BBS9: variants seen among roughly 807,000 people sequenced by gnomAD.
BBS9 encodes the protein Bardet-Biedl syndrome 9.
Under a neutral mutation model 117.7 loss-of-function variants are expected in BBS9, and 89 were observed. That is an observed-to-expected ratio of 0.76 (90% CI 0.64 to 0.90). The LOEUF (loss-of-function observed/expected upper bound fraction) is 0.90. BBS9 is among the 40% of genes least tolerant of loss of function. The pLI is 0.00. For synonymous variants in BBS9, 379 were observed against 370.9 expected (o/e 1.02, Z -0.25); for missense variants, 982 against 1,042.2 (o/e 0.94, Z 0.80).
intron 5 of BBS9, among the ~76,000 whole-genome samples, chr7:33,182,358 G>A (rs1165389785): frequency 6.6e-6 from 1 of 152,148 alleles, no homozygotes; most frequent in Non-Finnish European, 1.5e-5. Context: ...GCACCAGACA[G>A]AAGTGCAGAT....
chr7:33,583,388 C>T (rs539478067), intron 21 of BBS9, among the ~76,000 whole-genome samples: 80 of 152,184 alleles, frequency 5.3e-4, no homozygotes, highest in African/African-American at 1.8e-3. Flanking sequence ...CCTTTCCTGT[C>T]CTGTCCTGTC....
chr7:33,327,204 G>A (rs566778686), intron 9 of BBS9, among the ~76,000 whole-genome samples: 64 of 152,290 alleles, frequency 4.2e-4, no homozygotes, highest in Admixed American at 2.4e-3. Flanking sequence ...AATAGAAAAT[G>A]AAAATGAGGT....
chr7:33,384,819 A>G (rs1222912173), intron 18 of BBS9, among the ~76,000 whole-genome samples: 1 of 152,068 alleles, frequency 6.6e-6, no homozygotes, highest in African/African-American at 2.4e-5. Context: ...GACTTCTTTA[A>G]TGTAGTGTGA....
At chr7:33,266,062 A>G (rs150040411) in intron 7 of BBS9, among the ~76,000 whole-genome samples, 4 of 152,140 alleles carry the variant, frequency 2.6e-5, no homozygotes, top group East Asian at 1.9e-4. Context: ...CAAATATTCC[A>G]TGGCTCTTCT....
At chr7:33,160,766 G>A (rs1173977327) in intron 4 of BBS9, among the ~76,000 whole-genome samples, 4 of 152,222 alleles carry the variant, frequency 2.6e-5, no homozygotes, top group African/African-American at 7.2e-5. Context: ...GATGGCAAGG[G>A]CAGTCTTTCT....
chr7:33,176,051 G>C (rs1020217005), intron 4 of BBS9, among the ~76,000 whole-genome samples: 2 of 152,158 alleles, frequency 1.3e-5, no homozygotes, highest in Non-Finnish European at 1.5e-5. Flanking sequence ...CCATTGAAAA[G>C]AGCTAAGGGT....
At chr7:33,414,514 G>A (rs1831661828) in intron 19 of BBS9, among the ~76,000 whole-genome samples, 1 of 152,112 alleles carries the variant, frequency 6.6e-6, no homozygotes, top group South Asian at 2.1e-4. Flanking sequence ...GTCTCTTTGT[G>A]TGTATACATG....
intron 21 of BBS9, among the ~76,000 whole-genome samples, chr7:33,570,137 CCTT>C (rs1166921197): frequency 1.3e-5 from 2 of 152,080 alleles, no homozygotes; most frequent in Non-Finnish European, 2.9e-5. Context: ...AGTAATAGCA[CCTT>C]CTTCTACGTG....
chr7:33,223,591 C>G (rs1283618083), intron 5 of BBS9, among the ~76,000 whole-genome samples: 1 of 152,162 alleles, frequency 6.6e-6, no homozygotes, highest in Non-Finnish European at 1.5e-5. Context: ...CCTCTCACCC[C>G]CAAGACTTAG....
intron 9 of BBS9, among the ~76,000 whole-genome samples, chr7:33,291,258 T>C (rs1236636087): frequency 6.6e-6 from 1 of 152,156 alleles, no homozygotes; most frequent in African/African-American, 2.4e-5. Flanking sequence ...TCTTAACTCT[T>C]TTTTATTTCT....
chr7:33,344,326 C>T (rs1429387647), intron 11 of BBS9, among the ~76,000 whole-genome samples: 1 of 151,926 alleles, frequency 6.6e-6, no homozygotes, highest in East Asian at 1.9e-4. Flanking sequence ...ACCTCGGCCT[C>T]CCAAAGTGCT....
At chr7:33,315,885 T>C (rs1013722818) in intron 9 of BBS9, among the ~76,000 whole-genome samples, 9 of 152,352 alleles carry the variant, frequency 5.9e-5, no homozygotes, top group Admixed American at 2.0e-4. Flanking sequence ...CACACAGCAC[T>C]AAGCTTAAAC....
rs550932665 is a variant in BBS9 at position 33,582,374 on chromosome 7, G to A, written c.2522-22491G>A. On this transcript the variant is annotated intron_variant, in intron 21 of 22. Coordinates refer to ENST00000242067, the MANE Select transcript of BBS9 (RefSeq NM_198428.3). ...CTTGGAAGGGGTGGTGTCCATCAGA[G>A]GAGGCTGGGAAGGGGCTAAGTGAAG... Among the ~76,000 whole-genome samples the A allele has an allele frequency of 1.2e-4, 19 of 152,218 alleles. No homozygotes were observed. The South Asian group carries it at 3.7e-3, about 30-fold the overall frequency.
At chr7:33,401,004 A>G (rs554261159) in intron 19 of BBS9, among the ~76,000 whole-genome samples, 150 of 152,318 alleles carry the variant, frequency 9.8e-4, no homozygotes, top group Non-Finnish European at 1.9e-3. Flanking sequence ...CAACTTTACC[A>G]TGCTCCCAGA....
chr7:33,352,561 C>T (rs949761977), intron 14 of BBS9, among the ~76,000 whole-genome samples: 4 of 152,002 alleles, frequency 2.6e-5, no homozygotes, highest in Non-Finnish European at 5.9e-5. Flanking sequence ...TGCTGTTTGG[C>T]TAGATCATAT....
intron 5 of BBS9, among the ~76,000 whole-genome samples, chr7:33,248,902 A>G (rs955960801): frequency 6.6e-6 from 1 of 152,048 alleles, no homozygotes; most frequent in Non-Finnish European, 1.5e-5. Context: ...AAGACCAAAT[A>G]TTTTTGACAG....
intron 12 of BBS9, among the ~76,000 whole-genome samples, chr7:33,345,809 A>G (rs188049564): frequency 6.6e-6 from 1 of 152,316 alleles, no homozygotes. Flanking sequence ...AGACACATAC[A>G]TGTAATAATT....
intron 7 of BBS9, among the ~76,000 whole-genome samples, chr7:33,270,019 C>A (rs1461888818): frequency 3.0e-5 from 2 of 66,804 alleles, no homozygotes; most frequent in South Asian, 5.6e-4. Flanking sequence ...AAGACTCTGT[C>A]TCAAAAAAAA....
chr7:33,244,880 T>C (rs993723009), intron 5 of BBS9, among the ~76,000 whole-genome samples: 8 of 152,212 alleles, frequency 5.3e-5, no homozygotes, highest in African/African-American at 1.9e-4. Context: ...TGATACTCTT[T>C]CCATATTTGT....
Sources: gnomAD v4.1 joint callset for allele counts (sites outside exome capture counted in the v4.1 genomes callset) on GRCh38, gnomAD v4.1.1 for gene constraint, MANE v1.5 for transcripts, NCBI Gene and HGNC (gene_info 2026-07-23, HGNC 2026-07-21) for gene names.